Variants in TRIM51 observed in about 807,000 individuals in gnomAD.
TRIM51 encodes the protein tripartite motif-containing protein 51.
Under a neutral mutation model 32.7 loss-of-function variants are expected in TRIM51, and 23 were observed. That is an observed-to-expected ratio of 0.70 (90% CI 0.51 to 1.00). TRIM51 has a LOEUF of 1.00. Among genes scored for constraint, TRIM51 ranks in the 50% least tolerant of loss-of-function variants. TRIM51 has a pLI of 0.00. For missense variants in TRIM51, 592 were observed against 539.2 expected, an observed-to-expected ratio of 1.10 and a Z score of -0.97; for synonymous variants, 177 against 181.9, an observed-to-expected ratio of 0.97 and a Z score of 0.22.
chr11:55,889,671 T>C (rs1157308542), intron 5 of TRIM51, among the ~76,000 whole-genome samples: 1 of 152,156 alleles, frequency 6.6e-6, no homozygotes, highest in Non-Finnish European at 1.5e-5. Flanking sequence ...CATTTTTGAT[T>C]ATTCTCCCAG....
intron 3 of TRIM51, among the ~76,000 whole-genome samples, chr11:55,886,735 T>C (rs567485665): frequency 6.6e-6 from 1 of 152,200 alleles, no homozygotes; most frequent in South Asian, 2.1e-4. Flanking sequence ...ATGGGAAAAG[T>C]GGCGAGAAAT....
At chr11:55,887,394 T>C (rs1218491033) in intron 3 of TRIM51, among the ~76,000 whole-genome samples, 1 of 151,636 alleles carries the variant, frequency 6.6e-6, no homozygotes. Context: ...CATATATACC[T>C]ATATTTGAGA....
chr11:55,884,078 T>G (rs886090364), intron 1 of TRIM51, among the ~76,000 whole-genome samples: 1 of 149,110 alleles, frequency 6.7e-6, no homozygotes, highest in Admixed American at 6.8e-5. Flanking sequence ...GACTTCAAAC[T>G]GCCAAGGCAA....
intron 4 of TRIM51, 114 bp from the exon 5 acceptor site, chr11:55,888,865 G>C: frequency 1.1e-6 from 1 of 936,058 alleles, no homozygotes; most frequent in East Asian, 2.4e-5. Context: ...TTCCAGGAGG[G>C]AACATTGTAG....
Position 55,885,609 on chromosome 11 carries a change from C to T in TRIM51, c.181C>T (p.Gln61Ter). The T allele has an allele frequency of 1.9e-6, 3 of 1,611,322 alleles. No homozygotes were observed. Among genetic ancestry groups the T allele is most frequent in the South Asian group, 2.2e-5 (2 of 90,978 alleles). Residue 61 changes from glutamine to a stop codon, truncating the protein, a stop_gained, in exon 2 of 7, where the codon CAG (glutamine) becomes TAG (stop). Transcript: ENST00000449290. LOFTEE classifies it high-confidence loss of function. ...QCSECKKTTR[Q>*]RNLNTDICLK... Reference sequence around the variant, plus strand: ...CTCTGAATGCAAGAAGACAACGCGGCAGAGAAACCTCAACACTGACATTTG... The same window carrying T: ...CTCTGAATGCAAGAAGACAACGCGGTAGAGAAACCTCAACACTGACATTTG...
At chr11:55,883,409 A>G (rs1009421150) in intron 1 of TRIM51, 25 bp downstream of exon 1, 2 of 152,174 alleles carry the variant, frequency 1.3e-5, no homozygotes, top group African/African-American at 4.8e-5. Context: ...TATGGAGAAA[A>G]TTATTTCTCT....
rs772747412 is a variant in TRIM51, at chr11:55,891,553, A to C, written c.1280A>C (p.Gln427Pro). The change falls in exon 7 of 7, where the codon CAA (glutamine) becomes CCA (proline). Residue 427 changes from glutamine (Q) to proline (P), a missense_variant. Physicochemically the swap from Gln to Pro is moderately conservative, Grantham distance 76. Coordinates refer to ENST00000449290, the MANE Select transcript of TRIM51 (RefSeq NM_032681.4). Reference sequence around the variant, plus strand: ...ACCGTGAGCTTTGTTGATGTTGATCAAAGTTCCCTGATATACACCATCCCC... The same window carrying C: ...ACCGTGAGCTTTGTTGATGTTGATCCAAGTTCCCTGATATACACCATCCCC... The part of the protein sequence containing the change: ...GRTVSFVDVD[Q>P]SSLIYTIPNC... The C allele has an allele frequency of 1.3e-5, 21 of 1,613,582 alleles. No homozygotes were observed. In the South Asian group the frequency reaches 1.9e-4, roughly 14 times the overall value.
intron 3 of TRIM51, among the ~76,000 whole-genome samples, chr11:55,887,442 T>C (rs1854591265): frequency 6.6e-6 from 1 of 151,864 alleles, no homozygotes; most frequent in Non-Finnish European, 1.5e-5. Context: ...AATATGTATA[T>C]ATATATGAAA....
At chr11:55,884,266 AC>A (rs1484541404) in intron 1 of TRIM51, among the ~76,000 whole-genome samples, 1 of 148,726 alleles carries the variant, frequency 6.7e-6, no homozygotes, top group Non-Finnish European at 1.5e-5. Context: ...AATATGCTAT[AC>A]TGTATACCAT....
chr11:55,885,902 T>C (rs1854571928), intron 2 of TRIM51, 63 bp downstream of exon 2: 1 of 1,608,152 alleles, frequency 6.2e-7, no homozygotes, highest in African/African-American at 1.3e-5. Context: ...TAAGTCTATT[T>C]CCTTCGAGAT....
rs778304344 is a variant in TRIM51 at position 55,888,096 on chromosome 11, A to G, written c.572A>G (p.His191Arg). ...AEYQKMPAFL[H>R]EEEQHHLERL... ...TATCAGAAGATGCCTGCATTTCTCC[A>G]TGAAGAAGAGCAACATCACTTGGAA... Residue 191 changes from histidine (H) to arginine (R), a missense_variant, in exon 4 of 7, where the codon CAT becomes CGT. His to Arg is a conservative substitution (Grantham distance 29). Transcript: ENST00000449290. 4 of 1,613,572 alleles carry G rather than the reference A, an allele frequency of 2.5e-6. No homozygotes were observed. The African/African-American group carries it at 5.3e-5, about 22-fold the overall frequency.
chr11:55,886,286 G>A (rs1260437797), intron 3 of TRIM51, 68 bp downstream of exon 3: 3 of 1,226,092 alleles, frequency 2.4e-6, no homozygotes, highest in South Asian at 1.3e-5. Flanking sequence ...CTTAAAATAG[G>A]AACTTGATCT....
In TRIM51 at chr11:55,890,000, C is replaced by T. The variant is rs553062853; in HGVS notation, c.820C>T (p.Pro274Ser). Residue 274 changes from proline (P) to serine (S), a missense_variant, in exon 6 of 7, where the codon CCC (proline) becomes TCC (serine). By Grantham distance (74) the Pro-to-Ser change is moderately conservative (BLOSUM62 -1). Coordinates refer to ENST00000449290, the MANE Select transcript of TRIM51 (RefSeq NM_032681.4). ...TGTGAATCCAGAGCTCAGTGCAGGG[C>T]CCATCACTGGACTGCTGGACAGCCT... ...EPVNPELSAG[P>S]ITGLLDSLSG... The T allele has an allele frequency of 3.9e-5, 63 of 1,613,296 alleles. 1 individual carries two copies. In the South Asian group the frequency reaches 6.9e-4, roughly 18 times the overall value.
rs1241391773 is a variant in TRIM51 at position 55,883,316 on chromosome 11, T to A, written c.-73T>A. The A allele has an allele frequency of 6.6e-6, 1 of 152,138 alleles. No individual in the cohort carries two copies. The highest frequency in any genetic ancestry group is 2.4e-5 in the African/African-American group (1 of 41,438). The allele number at this position is 152,138 out of a possible 1,614,324, so 9.4% of individuals were successfully genotyped here. A position where few individuals can be genotyped will look rare whatever the true frequency, so the allele number is the denominator to read the frequency against. On this transcript the variant is annotated 5_prime_UTR_variant, in exon 1 of 7. Transcript: ENST00000449290. ...AACTCTGCAGGGAATGAGCTCCTGA[T>A]CTTGGGGAGTACTTAAAAGAATTTT...
At chr11:55,886,884 A>G (rs923351057) in intron 3 of TRIM51, among the ~76,000 whole-genome samples, 2 of 152,170 alleles carry the variant, frequency 1.3e-5, no homozygotes, top group African/African-American at 4.8e-5. Flanking sequence ...AGGGTATGAT[A>G]TCTGATATTC....
intron 5 of TRIM51, 77 bp downstream of exon 5, chr11:55,889,078 T>C: frequency 1.5e-6 from 2 of 1,305,568 alleles, no homozygotes; most frequent in Non-Finnish European, 2.2e-6. Context: ...ATTGAAGGTA[T>C]AATTGATTCA....
intron 3 of TRIM51, 105 bp from the exon 4 acceptor site, chr11:55,887,927 A>C: frequency 1.2e-6 from 1 of 859,654 alleles, no homozygotes; most frequent in Non-Finnish European, 1.9e-6. Context: ...GAGAATTGAC[A>C]AGATTGAGGA....
In TRIM51 at chr11:55,891,677, T is replaced by C. The variant is rs1420872465; in HGVS notation, c.*45T>C. ...GTGCCTGTATGCTCTGGGAACCTGT[T>C]TATCCCAGAAAGCCCTCTTTTTCGC... On this transcript the variant is annotated 3_prime_UTR_variant, in exon 7 of 7. Transcript: ENST00000449290. 6.2e-7 allele frequency: 1 copy of C among 1,604,712 alleles called. No homozygotes were observed. The highest frequency in any genetic ancestry group is 1.3e-5 in the African/African-American group (1 of 74,534).
intron 2 of TRIM51, 113 bp downstream of exon 2, chr11:55,885,952 T>C (rs1854572281): frequency 1.3e-6 from 2 of 1,555,076 alleles, no homozygotes; most frequent in East Asian, 4.7e-5. Flanking sequence ...GCATGTCTGT[T>C]ATGAGCTTCC....
Sources: gnomAD v4.1 joint callset for allele counts (sites outside exome capture counted in the v4.1 genomes callset) on GRCh38, gnomAD v4.1.1 for gene constraint, MANE v1.5 for transcripts, NCBI Gene and HGNC (gene_info 2026-07-23, HGNC 2026-07-21) for gene names.